The following VAT1L variants were observed in gnomAD, a reference collection of about 807,000 sequenced individuals.
The protein encoded by VAT1L is putative NADPH-dependent quinone oxidoreductase VAT1L.
VAT1L carries 34 observed loss-of-function variants against 44.1 expected under a neutral mutation model. That is an observed-to-expected ratio of 0.77 (90% CI 0.59 to 1.03). The LOEUF (loss-of-function observed/expected upper bound fraction) is 1.03, where lower values mean the gene tolerates loss of function less well. VAT1L is among the 50% of genes least tolerant of loss of function. VAT1L has a pLI of 0.00. For synonymous variants in VAT1L, 253 were observed against 202.2 expected (o/e 1.25, Z -2.13); for missense variants, 615 against 538.8 (o/e 1.14, Z -1.40).
intron 7 of VAT1L, among the ~76,000 whole-genome samples, chr16:77,939,376 G>C (rs962120590): frequency 1.3e-5 from 2 of 152,158 alleles, no homozygotes; most frequent in Non-Finnish European, 2.9e-5. Flanking sequence ...GCTCAAACCA[G>C]TGGGGGGCCG....
chr16:77,812,233 C>T (rs67772339), intron 1 of VAT1L, among the ~76,000 whole-genome samples: 12,640 of 151,972 alleles, frequency 0.083, 722 homozygotes, highest in East Asian at 0.23. Flanking sequence ...CTATCACGCC[C>T]GGCTAATTTT....
intron 1 of VAT1L, among the ~76,000 whole-genome samples, chr16:77,793,265 C>CAGG (rs1370883470): frequency 5.8e-4 from 88 of 152,272 alleles, no homozygotes; most frequent in Middle Eastern, 3.4e-3. Context: ...GCATGTGCCA[C>CAGG]CGTGCCCAGC....
intron 7 of VAT1L, among the ~76,000 whole-genome samples, chr16:77,918,616 C>A (rs140734823): frequency 6.6e-6 from 1 of 152,142 alleles, no homozygotes; most frequent in Non-Finnish European, 1.5e-5. Context: ...TTGGCTGATC[C>A]ATGCTGTAAG....
At chr16:77,845,314 G>C (rs2016747500) in intron 3 of VAT1L, among the ~76,000 whole-genome samples, 1 of 152,154 alleles carries the variant, frequency 6.6e-6, no homozygotes, top group Non-Finnish European at 1.5e-5. Flanking sequence ...TCCCTCAGCA[G>C]GTGCGGGATA....
At chr16:77,857,995 C>T (rs1005698773) in intron 3 of VAT1L, among the ~76,000 whole-genome samples, 1 of 152,044 alleles carries the variant, frequency 6.6e-6, no homozygotes, top group Non-Finnish European at 1.5e-5. Flanking sequence ...GAAGGGCTGC[C>T]CCCATACACT....
chr16:77,966,415 A>G (rs2018222857), intron 7 of VAT1L, among the ~76,000 whole-genome samples: 1 of 152,122 alleles, frequency 6.6e-6, no homozygotes, highest in African/African-American at 2.4e-5. Flanking sequence ...AATCCAAGGT[A>G]GCTCAGGACC....
intron 3 of VAT1L, among the ~76,000 whole-genome samples, chr16:77,829,749 A>G (rs754027103): frequency 3.3e-5 from 5 of 152,208 alleles, no homozygotes; most frequent in African/African-American, 7.2e-5. Flanking sequence ...TAAAGCTGCT[A>G]TGACTCTGAG....
At chr16:77,857,327 G>T (rs2016869291) in intron 3 of VAT1L, among the ~76,000 whole-genome samples, 2 of 152,172 alleles carry the variant, frequency 1.3e-5, no homozygotes, top group Non-Finnish European at 2.9e-5. Flanking sequence ...GAGAAATGAG[G>T]ATAAATGAGC....
chr16:77,856,598 A>C (rs1403501726), intron 3 of VAT1L, among the ~76,000 whole-genome samples: 5 of 152,160 alleles, frequency 3.3e-5, no homozygotes, highest in Non-Finnish European at 7.3e-5. Context: ...TCAGGGTCAT[A>C]TATTTCAGGG....
Position 77,943,938 on chromosome 16 carries a change from A to C in VAT1L, c.1078-27912A>C, listed in dbSNP as rs182126248. Among the ~76,000 whole-genome samples the C allele has an allele frequency of 5.6e-4, 86 of 152,268 alleles. 1 individual carries two copies. The highest frequency in any genetic ancestry group is 9.7e-4 in the Non-Finnish European group (66 of 68,020). ...AGCTTCAAAGATGATGTATCTTTAG[A>C]GCTTGATGCCACCTGCCTTTGCCTA... On this transcript the variant is annotated intron_variant, in intron 7 of 8. Coordinates refer to ENST00000302536, the MANE Select transcript of VAT1L (RefSeq NM_020927.3).
rs112049618 is a variant in VAT1L at position 77,903,430 on chromosome 16, T to C, written c.1077+18628T>C. Among the ~76,000 whole-genome samples, 1,053 of 152,276 alleles carry C rather than the reference T, an allele frequency of 6.9e-3. 5 individuals are homozygous for C. Among genetic ancestry groups the C allele is most frequent in the Middle Eastern group, 0.02 (6 of 294 alleles). ...ATAATACAGTCTTCCTGATCCTTAGTTTCTGAGGGTGAAAATTAATATACA... is the reference window on the plus strand; with the variant it reads ...ATAATACAGTCTTCCTGATCCTTAGCTTCTGAGGGTGAAAATTAATATACA... On this transcript the variant is annotated intron_variant, in intron 7 of 8. Transcript: ENST00000302536.
At chr16:77,815,392 A>G (rs923904534) in intron 1 of VAT1L, among the ~76,000 whole-genome samples, 1 of 152,206 alleles carries the variant, frequency 6.6e-6, no homozygotes, top group Non-Finnish European at 1.5e-5. Flanking sequence ...TGCCAGGCAC[A>G]CTGGAAGCAG....
At chr16:77,871,760 C>T (rs1015367243) in intron 4 of VAT1L, among the ~76,000 whole-genome samples, 1 of 152,078 alleles carries the variant, frequency 6.6e-6, no homozygotes, top group African/African-American at 2.4e-5. Flanking sequence ...AACTTACGAA[C>T]TTCTTAGCAT....
Position 77,945,797 on chromosome 16 carries a change from CTTTT to C in VAT1L, c.1078-26042_1078-26039del, listed in dbSNP as rs58436423. Among the ~76,000 whole-genome samples the C allele has an allele frequency of 3.6e-3, 513 of 141,198 alleles. 1 individual carries two copies. The highest frequency in any genetic ancestry group is 0.013 in the African/African-American group (489 of 38,370). The allele number at this position is 141,198 out of a possible 152,430, so 92.6% of individuals were successfully genotyped here. ...TGTTTTGTTTTCTTTAGTGGCTTGACTTTTTTTTTTTTTTCTTTTTTTTGAGACA... is the reference window on the plus strand; with the variant it reads ...TGTTTTGTTTTCTTTAGTGGCTTGACTTTTTTTTTTCTTTTTTTTGAGACA... On this transcript the variant is annotated intron_variant, in intron 7 of 8. Transcript: ENST00000302536.
intron 7 of VAT1L, among the ~76,000 whole-genome samples, chr16:77,890,392 T>G (rs2017251830): frequency 6.6e-6 from 1 of 152,134 alleles, no homozygotes; most frequent in East Asian, 1.9e-4. Context: ...CAGAGGAGTT[T>G]GAGCTTACAT....
chr16:77,908,740 C>T (rs978248490), intron 7 of VAT1L, among the ~76,000 whole-genome samples: 1 of 151,880 alleles, frequency 6.6e-6, no homozygotes, highest in African/African-American at 2.4e-5. Context: ...ACAGCGAAAC[C>T]CGTCTCTACT....
At chr16:77,795,288 GGAA>G (rs748983182) in intron 1 of VAT1L, among the ~76,000 whole-genome samples, 1 of 144,734 alleles carries the variant, frequency 6.9e-6, no homozygotes, top group African/African-American at 2.5e-5. Flanking sequence ...GGGGGCGGGG[GGAA>G]AGATTGAGAA....
intron 7 of VAT1L, among the ~76,000 whole-genome samples, chr16:77,950,295 G>C (rs1288112841): frequency 6.6e-6 from 1 of 152,046 alleles, no homozygotes; most frequent in Middle Eastern, 3.2e-3. Flanking sequence ...TGTAATCCCA[G>C]CTACTCAGGA....
At chr16:77,859,754 G>A (rs1026432111) in intron 3 of VAT1L, among the ~76,000 whole-genome samples, 1 of 152,168 alleles carries the variant, frequency 6.6e-6, no homozygotes, top group African/African-American at 2.4e-5. Flanking sequence ...TGGGGTTGAG[G>A]GAGGAAGAGG....
Sources: allele counts gnomAD v4.1 joint callset (sites outside exome capture counted in the v4.1 genomes callset), GRCh38; gene constraint gnomAD v4.1.1; transcripts MANE v1.5; gene names NCBI Gene and HGNC (gene_info 2026-07-23, HGNC 2026-07-21).